OCA2: variants seen among roughly 807,000 people sequenced by gnomAD.
The protein encoded by OCA2 is OCA2 melanosomal transmembrane protein, also known as P protein.
In OCA2, 77 loss-of-function variants were observed where a neutral mutation model predicts 100.2. The observed-to-expected ratio is 0.77, with a 90% CI of 0.64 to 0.93. The LOEUF is 0.93. OCA2 is among the 40% of genes least tolerant of loss of function. The pLI, the probability that OCA2 is intolerant of heterozygous loss-of-function variation, is 0.00. For synonymous variants in OCA2, 432 were observed against 439.2 expected, an observed-to-expected ratio of 0.98 and a Z score of 0.21; for missense variants, 1,062 against 1,089.1, an observed-to-expected ratio of 0.98 and a Z score of 0.35.
intron 22 of OCA2, among the ~76,000 whole-genome samples, chr15:27,848,506 C>T (rs539784741): frequency 5.6e-4 from 86 of 152,284 alleles, no homozygotes; most frequent in Admixed American, 2.0e-3. Flanking sequence ...TTTCCATTGA[C>T]GGAGAAGCAC....
chr15:27,729,705 C>T, the OCA2 span, among the ~76,000 whole-genome samples: 5 of 152,254 alleles, frequency 3.3e-5, no homozygotes, highest in African/African-American at 7.2e-5. Context: ...AGCTTCTGTG[C>T]GTTTAAGGAC....
chr15:27,835,221 A>G (rs8035334), intron 23 of OCA2, among the ~76,000 whole-genome samples: 90,886 of 152,110 alleles, frequency 0.6, 28,156 homozygotes, highest in East Asian at 0.96. Flanking sequence ...GATCATATGG[A>G]TTACAAGTCT....
chr15:27,899,552 T>C (rs1411209016), intron 19 of OCA2, among the ~76,000 whole-genome samples: 1 of 152,226 alleles, frequency 6.6e-6, no homozygotes, highest in Admixed American at 6.5e-5. Flanking sequence ...ACCAGCCCCA[T>C]CATTCACTGA....
At chr15:27,844,450 C>T (rs2035458385) in intron 23 of OCA2, among the ~76,000 whole-genome samples, 1 of 152,250 alleles carries the variant, frequency 6.6e-6, no homozygotes, top group Non-Finnish European at 1.5e-5. Flanking sequence ...TCCTGGCCCC[C>T]TGACTCAACC....
intron 18 of OCA2, chr15:27,950,581 G>T: frequency 1.9e-6 from 1 of 515,368 alleles, no homozygotes; most frequent in South Asian, 1.4e-5. Context: ...AGTTGGATTT[G>T]AGATTATCAA....
intron 23 of OCA2, among the ~76,000 whole-genome samples, chr15:27,809,531 AAGAG>A (rs1388978041): frequency 6.6e-6 from 1 of 152,228 alleles, no homozygotes; most frequent in Non-Finnish European, 1.5e-5. Context: ...GCAATCAGGC[AAGAG>A]AAAGAAAGAA....
At chr15:28,049,558 A>G (rs1566839881) in intron 2 of OCA2, among the ~76,000 whole-genome samples, 1 of 152,224 alleles carries the variant, frequency 6.6e-6, no homozygotes, top group Non-Finnish European at 1.5e-5. Flanking sequence ...CAAAATGTGG[A>G]AACAACCCAT....
intron 1 of OCA2, among the ~76,000 whole-genome samples, chr15:28,083,898 T>C (rs1397918669): frequency 6.6e-6 from 1 of 152,212 alleles, no homozygotes; most frequent in Non-Finnish European, 1.5e-5. Flanking sequence ...CAGGGCGCCA[T>C]TGCCCCTCCT....
At chr15:28,097,056 T>A (rs1277557031) in intron 1 of OCA2, among the ~76,000 whole-genome samples, 4 of 152,188 alleles carry the variant, frequency 2.6e-5, no homozygotes, top group Non-Finnish European at 4.4e-5. Flanking sequence ...TCGGTGTCCC[T>A]TCGCCCATCC....
chr15:27,951,418 G>A (rs188725011), intron 18 of OCA2, among the ~76,000 whole-genome samples: 5 of 152,330 alleles, frequency 3.3e-5, no homozygotes, highest in African/African-American at 9.6e-5. Context: ...AGATGGCAGC[G>A]CTGGCCTTGC....
intron 23 of OCA2, among the ~76,000 whole-genome samples, chr15:27,824,602 C>CTCTCTCTCTATATATATATATATATA: frequency 4.8e-4 from 23 of 47,594 alleles, no homozygotes; most frequent in Middle Eastern, 0.018. Flanking sequence ...CTCTCTCTCT[C>CTCTCTCTCTATATATATATATATATA]TATATATATA....
intron 4 of OCA2, among the ~76,000 whole-genome samples, chr15:28,027,248 C>A (rs1297761514): frequency 6.6e-6 from 1 of 152,150 alleles, no homozygotes; most frequent in Non-Finnish European, 1.5e-5. Flanking sequence ...CACTCCCACG[C>A]CCGCCGTCCC....
At chr15:27,731,101 G>A in the OCA2 span, among the ~76,000 whole-genome samples, 1 of 152,042 alleles carries the variant, frequency 6.6e-6, no homozygotes, top group African/African-American at 2.4e-5. Flanking sequence ...TTAACCCTGT[G>A]TCACAGGCTG....
chr15:27,946,773 C>T (rs1244420115), intron 18 of OCA2, among the ~76,000 whole-genome samples: 1 of 152,244 alleles, frequency 6.6e-6, no homozygotes, highest in Non-Finnish European at 1.5e-5. Flanking sequence ...TTTCCCAAGG[C>T]AGGTCATTGA....
chr15:28,063,441 CT>C (rs1030123915), intron 2 of OCA2, among the ~76,000 whole-genome samples: 1 of 152,078 alleles, frequency 6.6e-6, no homozygotes, highest in Non-Finnish European at 1.5e-5. Flanking sequence ...TTATCTGCTA[CT>C]TTGGTATTTT....
chr15:27,816,644 G>A (rs976581664), intron 23 of OCA2, among the ~76,000 whole-genome samples: 3 of 151,990 alleles, frequency 2.0e-5, no homozygotes, highest in Non-Finnish European at 4.4e-5. Context: ...CCTTTCTCTC[G>A]GTTCCCGTAA....
At chr15:27,803,541 T>C (rs1036575212) in intron 23 of OCA2, among the ~76,000 whole-genome samples, 7 of 152,156 alleles carry the variant, frequency 4.6e-5, no homozygotes, top group African/African-American at 1.7e-4. Flanking sequence ...GTCAAGTTCA[T>C]AGGGACAGAA....
intron 23 of OCA2, among the ~76,000 whole-genome samples, chr15:27,832,344 G>A (rs149931825): frequency 6.6e-6 from 1 of 152,314 alleles, no homozygotes; most frequent in African/African-American, 2.4e-5. Context: ...AGGGAAGAAT[G>A]GGCTTTGTAA....
intron 23 of OCA2, among the ~76,000 whole-genome samples, chr15:27,758,727 G>C (rs2030589766): frequency 6.6e-6 from 1 of 152,088 alleles, no homozygotes; most frequent in Non-Finnish European, 1.5e-5. Context: ...ATATAATGGA[G>C]AGTATAAAGG....
Sources: gnomAD v4.1 joint callset for allele counts (sites outside exome capture counted in the v4.1 genomes callset) on GRCh38, gnomAD v4.1.1 for gene constraint, MANE v1.5 for transcripts, NCBI Gene and HGNC (gene_info 2026-07-23, HGNC 2026-07-21) for gene names.